Variants in RALA observed in about 807,000 individuals in gnomAD.
The protein encoded by RALA is ras-related protein Ral-A.
RALA carries 5 observed loss-of-function variants against 24.0 expected under a neutral mutation model. The observed-to-expected ratio is 0.21, with a 90% confidence interval of 0.11 to 0.44. RALA has a LOEUF of 0.44. Ranked by LOEUF, RALA falls within the 20% of genes least tolerant of loss-of-function variation. The pLI, the probability that RALA is intolerant of heterozygous loss-of-function variation, is 0.99. For missense variants in RALA, 95 were observed against 241.2 expected (o/e 0.39, Z 4.01); for synonymous variants, 77 against 83.8 (o/e 0.92, Z 0.44).
chr7:39,623,809 A>G lies in RALA; in HGVS notation c.-54A>G, dbSNP rs1182749793. ...GCTTCCGGAGCCCTCGGGGCGGCGG[A>G]CTGGCTCGCGGTGCAGGTGAGCGAT... On this transcript the variant is annotated 5_prime_UTR_variant, in exon 1 of 5. Coordinates refer to ENST00000005257, the MANE Select transcript of RALA (RefSeq NM_005402.4). This position sits in a 1 kb window ranked among gnomAD's most constrained non-coding sequence, Gnocchi z 4.9. 1 of 151,778 alleles carries G rather than the reference A, an allele frequency of 6.6e-6. No homozygotes were observed. Among genetic ancestry groups the G allele is most frequent in the East Asian group, 2.0e-4 (1 of 5,090 alleles). 9.4% of individuals were successfully genotyped at this position (151,778 alleles called of 1,614,324 possible).
chr7:39,651,169 G>A (rs1235800472), intron 1 of RALA, among the ~76,000 whole-genome samples: 2 of 152,158 alleles, frequency 1.3e-5, no homozygotes, highest in Non-Finnish European at 2.9e-5. Context: ...TTATAAAATA[G>A]GCTTTGTGTT....
At chr7:39,663,090 G>A (rs1035971408) in intron 1 of RALA, among the ~76,000 whole-genome samples, 3 of 152,148 alleles carry the variant, frequency 2.0e-5, no homozygotes, top group Admixed American at 1.3e-4. Flanking sequence ...CCATGATTCA[G>A]TTGTCTCCCA....
chr7:39,678,770 CAT>C (rs1473445330), intron 1 of RALA, among the ~76,000 whole-genome samples: 1 of 152,122 alleles, frequency 6.6e-6, no homozygotes, highest in Non-Finnish European at 1.5e-5. Context: ...GTACCAAGAA[CAT>C]AGTTAATTGC....
At chr7:39,675,926 A>G (rs1792479588) in intron 1 of RALA, among the ~76,000 whole-genome samples, 1 of 151,992 alleles carries the variant, frequency 6.6e-6, no homozygotes, top group Non-Finnish European at 1.5e-5. Flanking sequence ...GACGGCCTTT[A>G]CCTACTTGAA....
intron 1 of RALA, among the ~76,000 whole-genome samples, chr7:39,677,909 T>C (rs1242587271): frequency 2.8e-5 from 4 of 143,400 alleles, no homozygotes; most frequent in African/African-American, 7.8e-5. Context: ...GTTTGTTTTT[T>C]TCTTGTAAAT....
intron 3 of RALA, among the ~76,000 whole-genome samples, chr7:39,693,194 T>A (rs1170821012): frequency 6.6e-6 from 1 of 152,176 alleles, no homozygotes; most frequent in African/African-American, 2.4e-5. Context: ...ATAGACTGAA[T>A]TAAGAAAATA....
chr7:39,635,355 A>G (rs1043618438), intron 1 of RALA, among the ~76,000 whole-genome samples: 12 of 152,214 alleles, frequency 7.9e-5, no homozygotes, highest in African/African-American at 2.7e-4. Flanking sequence ...AGCCTGGGCA[A>G]CAGAGCCAGA....
chr7:39,629,446 G>A (rs993643336), intron 1 of RALA, among the ~76,000 whole-genome samples: 5 of 151,702 alleles, frequency 3.3e-5, no homozygotes, highest in East Asian at 1.9e-4. Flanking sequence ...ATGGAGTTTC[G>A]CTCTGTCGCC....
chr7:39,629,402 C>A (rs899314876), intron 1 of RALA, among the ~76,000 whole-genome samples: 1 of 151,948 alleles, frequency 6.6e-6, no homozygotes, highest in Non-Finnish European at 1.5e-5. Context: ...ATATTATTTG[C>A]TCACTTTCTT....
intron 2 of RALA, among the ~76,000 whole-genome samples, chr7:39,690,113 C>T (rs1046163367): frequency 6.6e-6 from 1 of 151,988 alleles, no homozygotes; most frequent in Non-Finnish European, 1.5e-5. Context: ...ATAGTTTTTG[C>T]AGGTATTGTG....
intron 1 of RALA, among the ~76,000 whole-genome samples, chr7:39,630,210 ATTTTTTTT>A (rs57399698): frequency 3.1e-4 from 31 of 100,932 alleles, no homozygotes; most frequent in Admixed American, 2.1e-3. Flanking sequence ...TGCCTTGCTA[ATTTTTTTT>A]TTTTTTTTTT....
chr7:39,665,467 T>A (rs1380550571), intron 1 of RALA, among the ~76,000 whole-genome samples: 3 of 152,150 alleles, frequency 2.0e-5, no homozygotes, highest in Non-Finnish European at 4.4e-5. Flanking sequence ...AGTCAAAAGT[T>A]GGATTTTCGA....
chr7:39,662,138 G>T (rs1792203013), intron 1 of RALA, among the ~76,000 whole-genome samples: 1 of 152,236 alleles, frequency 6.6e-6, no homozygotes, highest in Non-Finnish European at 1.5e-5. Flanking sequence ...GCATGGGTTG[G>T]GGGGCCCTTA....
intron 1 of RALA, among the ~76,000 whole-genome samples, chr7:39,670,672 A>G (rs1792364435): frequency 2.0e-5 from 3 of 152,228 alleles, no homozygotes; most frequent in Non-Finnish European, 1.5e-5. Flanking sequence ...GGGGTTTAAA[A>G]ACAAATATTA....
chr7:39,635,177 A>C (rs1157858861), intron 1 of RALA, among the ~76,000 whole-genome samples: 1 of 152,084 alleles, frequency 6.6e-6, no homozygotes, highest in Non-Finnish European at 1.5e-5. Flanking sequence ...TCTGCAAAAA[A>C]TAGAAAAAAA....
chr7:39,694,440 T>A (rs1459807871), intron 3 of RALA, among the ~76,000 whole-genome samples: 1 of 152,124 alleles, frequency 6.6e-6, no homozygotes, highest in African/African-American at 2.4e-5. Context: ...TGCTCTGGAG[T>A]TGGATTTCTC....
chr7:39,673,326 A>C (rs1013013280), intron 1 of RALA, among the ~76,000 whole-genome samples: 1 of 152,198 alleles, frequency 6.6e-6, no homozygotes, highest in African/African-American at 2.4e-5. Flanking sequence ...TTTAATTTTC[A>C]TAATTAATAG....
chr7:39,681,292 C>T (rs1392775524), intron 1 of RALA, among the ~76,000 whole-genome samples: 2 of 143,966 alleles, frequency 1.4e-5, no homozygotes, highest in African/African-American at 5.1e-5. Context: ...AACCCAAACC[C>T]ACCCTATTCC....
At chr7:39,669,632 T>C (rs1792346068) in intron 1 of RALA, among the ~76,000 whole-genome samples, 2 of 151,968 alleles carry the variant, frequency 1.3e-5, no homozygotes, top group Non-Finnish European at 2.9e-5. Flanking sequence ...AGCAACATAG[T>C]GAGACCCTGT....
Sources: allele counts gnomAD v4.1 joint callset (sites outside exome capture counted in the v4.1 genomes callset), GRCh38; gene constraint gnomAD v4.1.1; non-coding constraint Gnocchi (gnomAD v3.1); transcripts MANE v1.5; gene names NCBI Gene and HGNC (gene_info 2026-07-23, HGNC 2026-07-21).